The following DPP10 variants were observed in gnomAD, a reference collection of about 807,000 sequenced individuals.
DPP10 encodes the protein dipeptidyl peptidase like 10, also known as inactive dipeptidyl peptidase 10.
In DPP10, 33 loss-of-function variants were observed where a neutral mutation model predicts 120.9. The observed-to-expected ratio is 0.27, with a 90% CI of 0.21 to 0.37. The LOEUF (loss-of-function observed/expected upper bound fraction) is 0.37. Among genes scored for constraint, DPP10 ranks in the 10% least tolerant of loss-of-function variants. The pLI is 1.00. For synonymous variants in DPP10, 337 were observed against 326.1 expected (o/e 1.03, Z -0.36); for missense variants, 816 against 942.8 (o/e 0.87, Z 1.76).
At chr2:114,893,464 G>A (rs150573350) in intron 1 of DPP10, among the ~76,000 whole-genome samples, 3 of 152,186 alleles carry the variant, frequency 2.0e-5, no homozygotes, top group African/African-American at 4.8e-5. Flanking sequence ...TTGAATATTG[G>A]GGGGTGGATG....
At chr2:114,970,174 A>G (rs767635375) in intron 1 of DPP10, among the ~76,000 whole-genome samples, 2 of 152,104 alleles carry the variant, frequency 1.3e-5, no homozygotes, top group Admixed American at 6.6e-5. Context: ...TTTCAACATA[A>G]TTGCAGGCTT....
rs1292205698 is a variant in DPP10, at chr2:115,806,370, GATGGT to G, written c.1701-8422_1701-8418del. On this transcript the variant is annotated intron_variant, in intron 19 of 25. Coordinates refer to ENST00000410059, the MANE Select transcript of DPP10 (RefSeq NM_020868.6). ...TATATGTCGGTTTACTAAGTTGCAAGATGGTTCTGCCACTGCCTGCTTATACTTAG... is the reference window on the plus strand; with the variant it reads ...TATATGTCGGTTTACTAAGTTGCAAGTCTGCCACTGCCTGCTTATACTTAG... 2.8e-4 allele frequency among the ~76,000 whole-genome samples: 42 copies of G among 152,242 alleles called. 1 individual carries two copies. In the South Asian group the frequency reaches 8.1e-3, roughly 29 times the overall value.
At chr2:115,530,965 A>G (rs556502775) in intron 5 of DPP10, among the ~76,000 whole-genome samples, 1 of 152,222 alleles carries the variant, frequency 6.6e-6, no homozygotes, top group South Asian at 2.1e-4. Context: ...GAAAAGGGAA[A>G]CATTAGAAAT....
At position 114,581,246 on chromosome 2, in the gene DPP10, G is replaced by A. The variant is rs960971205; in HGVS notation, c.60+138408G>A. Among the ~76,000 whole-genome samples, 16 of 121,750 alleles carry A rather than the reference G, an allele frequency of 1.3e-4. No homozygotes were observed. The South Asian group carries it at 1.9e-3, about 15-fold the overall frequency. The allele number at this position is 121,750 out of a possible 152,430, so 79.9% of individuals were successfully genotyped here. A position where few individuals can be genotyped will look rare whatever the true frequency, so the allele number is the denominator to read the frequency against. ...CCCAGGCTGGATGGAGTGCAGTGGC[G>A]CATCTTGGCTCACTGCAAGCTCCAC... On this transcript the variant is annotated intron_variant, in intron 1 of 25. Coordinates refer to ENST00000410059, the MANE Select transcript of DPP10 (RefSeq NM_020868.6).
chr2:115,780,621 A>G (rs1414235053), intron 15 of DPP10, among the ~76,000 whole-genome samples: 1 of 151,868 alleles, frequency 6.6e-6, no homozygotes, highest in African/African-American at 2.4e-5. Context: ...ATAGCCATAC[A>G]TACAAGTGTA....
At chr2:114,565,660 T>C (rs1185494391) in intron 1 of DPP10, among the ~76,000 whole-genome samples, 2 of 152,240 alleles carry the variant, frequency 1.3e-5, no homozygotes, top group East Asian at 1.9e-4. Context: ...TGTGGACCTC[T>C]GCATGAAGAA....
chr2:114,724,834 T>G (rs1255658829), intron 1 of DPP10, among the ~76,000 whole-genome samples: 1 of 152,108 alleles, frequency 6.6e-6, no homozygotes, highest in Non-Finnish European at 1.5e-5. Context: ...AGAAAGGGAG[T>G]AACAATTTGC....
At chr2:114,518,578 C>T (rs952661216) in intron 1 of DPP10, among the ~76,000 whole-genome samples, 1 of 152,154 alleles carries the variant, frequency 6.6e-6, no homozygotes, top group African/African-American at 2.4e-5. Flanking sequence ...AGGATGCTTG[C>T]TCACCTCCTG....
chr2:115,045,810 T>C (rs1705018338), intron 1 of DPP10, among the ~76,000 whole-genome samples: 1 of 152,204 alleles, frequency 6.6e-6, no homozygotes, highest in Non-Finnish European at 1.5e-5. Context: ...TTCACTTTGG[T>C]GTTGCTGTTG....
chr2:114,794,669 T>C (rs759109145), intron 1 of DPP10, among the ~76,000 whole-genome samples: 1 of 152,184 alleles, frequency 6.6e-6, no homozygotes, highest in Non-Finnish European at 1.5e-5. Flanking sequence ...GAGCAAAAAT[T>C]ATGATTTCAA....
At chr2:115,119,885 C>T (rs935455299) in intron 1 of DPP10, among the ~76,000 whole-genome samples, 12 of 152,146 alleles carry the variant, frequency 7.9e-5, no homozygotes, top group Admixed American at 3.9e-4. Flanking sequence ...AGGGAAAATC[C>T]CAGGAGAACC....
At position 115,109,526 on chromosome 2, in the gene DPP10, C is replaced by T. The variant is rs556788885; in HGVS notation, c.61-199713C>T. ...ACTCCAGCCTGGCAACAGAGCGAGA[C>T]TCCGTCTCAAAAAAAAAAGAAAAAA... On this transcript the variant is annotated intron_variant, in intron 1 of 25. Transcript: ENST00000410059. 2.1e-4 allele frequency among the ~76,000 whole-genome samples: 31 copies of T among 147,972 alleles called. No individual in the cohort carries two copies. The South Asian group carries it at 6.2e-3, about 30-fold the overall frequency.
intron 1 of DPP10, among the ~76,000 whole-genome samples, chr2:115,286,526 A>ATAACATATATATATATATAT (rs10675008): frequency 2.1e-4 from 13 of 60,946 alleles, no homozygotes; most frequent in Non-Finnish European, 4.0e-4. Context: ...ATATATATAT[A>ATAACATATATATATATATAT]ATATATATAT....
chr2:115,707,914 T>G (rs939703421), intron 7 of DPP10, among the ~76,000 whole-genome samples: 3 of 151,880 alleles, frequency 2.0e-5, no homozygotes, highest in Non-Finnish European at 4.4e-5. Context: ...ATTACAGAAT[T>G]GATTACTTTT....
chr2:115,249,191 C>G (rs141423191), intron 1 of DPP10, among the ~76,000 whole-genome samples: 1 of 152,018 alleles, frequency 6.6e-6, no homozygotes, highest in African/African-American at 2.4e-5. Flanking sequence ...GACACAGTGT[C>G]TATTCTATTT....
At chr2:114,486,490 A>G (rs1389365717) in intron 1 of DPP10, among the ~76,000 whole-genome samples, 2 of 152,180 alleles carry the variant, frequency 1.3e-5, no homozygotes, top group Admixed American at 6.6e-5. Flanking sequence ...AACAGCTACA[A>G]GTAATTTTTG....
chr2:115,829,680 T>C (rs555859447), intron 21 of DPP10, among the ~76,000 whole-genome samples: 1 of 152,252 alleles, frequency 6.6e-6, no homozygotes, highest in Admixed American at 6.5e-5. Flanking sequence ...TATATCCTAG[T>C]AGAATTTTAT....
At chr2:115,226,572 T>G (rs2057443542) in intron 1 of DPP10, among the ~76,000 whole-genome samples, 1 of 152,212 alleles carries the variant, frequency 6.6e-6, no homozygotes, top group South Asian at 2.1e-4. Context: ...ACAAAATCTT[T>G]GAACTGTAAT....
At chr2:115,386,468 C>G (rs2066937779) in intron 3 of DPP10, among the ~76,000 whole-genome samples, 2 of 152,084 alleles carry the variant, frequency 1.3e-5, no homozygotes, top group Admixed American at 6.5e-5. Flanking sequence ...GCAAAACAAT[C>G]ATTGTTGTGT....
Sources: gnomAD v4.1 joint callset for allele counts (sites outside exome capture counted in the v4.1 genomes callset) on GRCh38, gnomAD v4.1.1 for gene constraint, MANE v1.5 for transcripts, NCBI Gene and HGNC (gene_info 2026-07-23, HGNC 2026-07-21) for gene names.